Variants in EEIG1 observed in about 807,000 individuals in gnomAD.
The protein encoded by EEIG1 is estrogen-induced osteoclastogenesis regulator 1, also known as early estrogen-induced gene 1 protein.
At chr9:127,944,662 C>T in the EEIG1 span, 2 of 1,612,720 alleles carry the variant, frequency 1.2e-6, no homozygotes, top group Non-Finnish European at 8.5e-7. Flanking sequence ...CATCGCGGCT[C>T]ACGAACAGCC....
At chr9:127,947,202 C>T in the EEIG1 span, among the ~76,000 whole-genome samples, 2 of 146,750 alleles carry the variant, frequency 1.4e-5, no homozygotes, top group Non-Finnish European at 3.0e-5. Flanking sequence ...GGTCAGGAGA[C>T]TGAGACCATC....
At chr9:127,967,374 C>T in the EEIG1 span, among the ~76,000 whole-genome samples, 1 of 152,222 alleles carries the variant, frequency 6.6e-6, no homozygotes, top group Non-Finnish European at 1.5e-5. Context: ...CCCATTACCC[C>T]ATCGCAGCCA....
chr9:127,957,586 C>A, the EEIG1 span, among the ~76,000 whole-genome samples: 10 of 152,218 alleles, frequency 6.6e-5, no homozygotes, highest in African/African-American at 2.2e-4. Context: ...GGCTTCTTGG[C>A]AGAACTTTGA....
chr9:127,964,097 C>T, the EEIG1 span, among the ~76,000 whole-genome samples: 5 of 152,064 alleles, frequency 3.3e-5, no homozygotes, highest in African/African-American at 4.8e-5. Flanking sequence ...CCTGGAAAGC[C>T]GGGGGGTGGA....
chr9:127,976,539 T>C, the EEIG1 span, among the ~76,000 whole-genome samples: 1 of 152,190 alleles, frequency 6.6e-6, no homozygotes, highest in Admixed American at 6.5e-5. This position sits in a 1 kb window ranked among gnomAD's most constrained non-coding sequence, Gnocchi z 4.1. Context: ...TTCATGGAAA[T>C]ACCAGTTGCA....
the EEIG1 span, among the ~76,000 whole-genome samples, chr9:127,963,339 C>T: frequency 6.6e-6 from 1 of 152,240 alleles, no homozygotes; most frequent in East Asian, 1.9e-4. Flanking sequence ...CAGGGCTGGC[C>T]GCCCGCCTGG....
At chr9:127,974,660 C>T in the EEIG1 span, among the ~76,000 whole-genome samples, 4,727 of 152,256 alleles carry the variant, frequency 0.031, 293 homozygotes, top group East Asian at 0.27. Context: ...AGCTGCCTGC[C>T]GGGATCCAGT....
the EEIG1 span, chr9:127,945,497 TG>T: frequency 1.3e-6 from 2 of 1,569,134 alleles, no homozygotes; most frequent in Admixed American, 3.7e-5. This position sits in a 1 kb window ranked among gnomAD's most constrained non-coding sequence, Gnocchi z 6.5. Flanking sequence ...CTGCTGCTGG[TG>T]GACGTGTTGC....
chr9:127,979,184 C>G, the EEIG1 span, among the ~76,000 whole-genome samples: 13 of 152,284 alleles, frequency 8.5e-5, no homozygotes, highest in East Asian at 2.5e-3. Context: ...GCTTCTCCAC[C>G]TGTATTAGGC....
At chr9:127,949,378 G>A in the EEIG1 span, among the ~76,000 whole-genome samples, 5 of 151,214 alleles carry the variant, frequency 3.3e-5, no homozygotes, top group Admixed American at 6.6e-5. Context: ...TTATTCACTC[G>A]GCCATGAAAG....
the EEIG1 span, among the ~76,000 whole-genome samples, chr9:127,954,918 A>C: frequency 6.6e-6 from 1 of 152,186 alleles, no homozygotes; most frequent in East Asian, 1.9e-4. Flanking sequence ...AGTGGGAGCC[A>C]GTGGCAGCAG....
chr9:127,945,512 G>A, the EEIG1 span: 6 of 1,569,084 alleles, frequency 3.8e-6, no homozygotes, highest in South Asian at 1.2e-5. The surrounding 1 kb of genome is among the most constrained non-coding windows in gnomAD (Gnocchi z 6.5). Flanking sequence ...GTGTTGCGGC[G>A]GTGCGTCAGG....
the EEIG1 span, chr9:127,945,420 CG>C: frequency 6.4e-7 from 1 of 1,574,172 alleles, no homozygotes; most frequent in Non-Finnish European, 8.6e-7. This position sits in a 1 kb window ranked among gnomAD's most constrained non-coding sequence, Gnocchi z 6.5. Flanking sequence ...GCGGCTTCTC[CG>C]GGGGCCGGTG....
At chr9:127,957,686 G>T in the EEIG1 span, among the ~76,000 whole-genome samples, 20 of 152,174 alleles carry the variant, frequency 1.3e-4, no homozygotes, top group African/African-American at 4.8e-4. Context: ...AAAAATTCAC[G>T]CTTTTGATTT....
At chr9:127,955,718 G>A in the EEIG1 span, among the ~76,000 whole-genome samples, 1 of 152,242 alleles carries the variant, frequency 6.6e-6, no homozygotes, top group Non-Finnish European at 1.5e-5. Flanking sequence ...CAGCATGAAT[G>A]AGGGAGTCCC....
the EEIG1 span, chr9:127,941,653 G>A: frequency 1.5e-4 from 23 of 152,152 alleles, no homozygotes; most frequent in African/African-American, 5.3e-4. Flanking sequence ...TCACCAGCGG[G>A]GGCAGATGGG....
At chr9:127,949,082 A>G in the EEIG1 span, among the ~76,000 whole-genome samples, 82 of 152,098 alleles carry the variant, frequency 5.4e-4, no homozygotes, top group Non-Finnish European at 5.6e-4. Context: ...TTGGGAGGCC[A>G]AGGCGGGCAG....
the EEIG1 span, chr9:127,943,290 C>T: frequency 1.2e-5 from 18 of 1,563,164 alleles, no homozygotes; most frequent in East Asian, 3.1e-4. Flanking sequence ...ATTTCCTGAG[C>T]GCTCCACTGG....
chr9:127,956,419 TA>T, the EEIG1 span, among the ~76,000 whole-genome samples: 6 of 152,366 alleles, frequency 3.9e-5, no homozygotes, highest in East Asian at 9.6e-4. Context: ...TTTATTTATT[TA>T]TTTTTTTGAG....
Sources: gnomAD v4.1 joint callset for allele counts (sites outside exome capture counted in the v4.1 genomes callset) on GRCh38, gnomAD v4.1.1 for gene constraint, Gnocchi (gnomAD v3.1) non-coding constraint, MANE v1.5 for transcripts, NCBI Gene and HGNC (gene_info 2026-07-23, HGNC 2026-07-21) for gene names.